LAMA3: variants seen among roughly 807,000 people sequenced by gnomAD.
The protein encoded by LAMA3 is laminin subunit alpha 3, also known as laminin subunit alpha-3.
A neutral mutation model predicts 402.0 loss-of-function variants in LAMA3; 281 were observed. That is an observed-to-expected ratio of 0.70 (90% confidence interval 0.63 to 0.77). The LOEUF (loss-of-function observed/expected upper bound fraction) is 0.77, where lower values mean the gene tolerates loss of function less well. LAMA3 is among the 30% of genes least tolerant of loss of function. The probability of loss-of-function intolerance (pLI) is 0.00; values close to 1 mark genes in which losing one functional copy is unlikely to be tolerated. For synonymous variants in LAMA3, 1,431 were observed against 1,558.4 expected, an observed-to-expected ratio of 0.92 and a Z score of 1.93; for missense variants, 3,840 against 4,215.5, an observed-to-expected ratio of 0.91 and a Z score of 2.47.
intron 47 of LAMA3, 30 bp from the exon 48 acceptor site, chr18:23,901,097 A>C: frequency 6.3e-7 from 1 of 1,589,680 alleles, no homozygotes; most frequent in Non-Finnish European, 8.6e-7. Context: ...CTCATCTGTC[A>C]AATAGAAAAC....
rs374306189 is a variant in LAMA3, at chr18:23,730,478, C to T, written c.447+16406C>T. Among the ~76,000 whole-genome samples the T allele has an allele frequency of 1.5e-4, 23 of 151,332 alleles. No individual in the cohort carries two copies. In the East Asian group the frequency reaches 3.7e-3, roughly 24 times the overall value. On this transcript the variant is annotated intron_variant, in intron 2 of 74. Coordinates refer to ENST00000313654, the MANE Select transcript of LAMA3 (RefSeq NM_198129.4). ...TGCCTCCCGGGCTCAAGCGATTCTC[C>T]TGATTCAGCCTCCTGAGTAGCCGGG...
intron 8 of LAMA3, among the ~76,000 whole-genome samples, chr18:23,766,852 T>C (rs982983404): frequency 2.6e-5 from 4 of 151,840 alleles, no homozygotes; most frequent in African/African-American, 9.7e-5. Context: ...AAAAAAAAAT[T>C]CTTGGAAGTC....
chr18:23,923,937 C>T (rs191641431), intron 62 of LAMA3, among the ~76,000 whole-genome samples: 19 of 152,306 alleles, frequency 1.2e-4, no homozygotes, highest in African/African-American at 4.6e-4. Flanking sequence ...TAATTCAGCA[C>T]TCAACCTTTA....
rs756766345 is a variant in LAMA3, at chr18:23,905,686, G to A, written c.6718+62G>A. On this transcript the variant is annotated intron_variant, in intron 52 of 74. Coordinates refer to ENST00000313654, the MANE Select transcript of LAMA3 (RefSeq NM_198129.4). Reference sequence around the variant, plus strand: ...GAGCTTTAAATGACCTCTGGGACCAGGTGGGGCAGCCCTAGAAGCAAATGT... The same window carrying A: ...GAGCTTTAAATGACCTCTGGGACCAAGTGGGGCAGCCCTAGAAGCAAATGT... 3 of 907,240 alleles carry A rather than the reference G, an allele frequency of 3.3e-6. No individual in the cohort carries two copies. In the Admixed American group the frequency reaches 5.1e-5, roughly 16 times the overall value. 56.2% of individuals were successfully genotyped at this position (907,240 alleles called of 1,614,324 possible).
At chr18:23,806,691 C>G (rs543989533) in intron 12 of LAMA3, among the ~76,000 whole-genome samples, 2 of 152,216 alleles carry the variant, frequency 1.3e-5, no homozygotes, top group Non-Finnish European at 2.9e-5. Flanking sequence ...CCCACTTTAA[C>G]AGCAGATACT....
At chr18:23,809,846 T>A (rs561468501) in intron 12 of LAMA3, among the ~76,000 whole-genome samples, 9 of 152,214 alleles carry the variant, frequency 5.9e-5, no homozygotes, top group African/African-American at 2.2e-4. Context: ...TCAGGGACAG[T>A]TGTAGGCTGA....
chr18:23,735,326 T>A (rs2061455623), intron 2 of LAMA3, among the ~76,000 whole-genome samples: 1 of 152,246 alleles, frequency 6.6e-6, no homozygotes, highest in South Asian at 2.1e-4. Context: ...TATTTTGTGA[T>A]TACTAGAGAC....
chr18:23,844,505 G>A (rs760374018), intron 29 of LAMA3, among the ~76,000 whole-genome samples: 1 of 152,234 alleles, frequency 6.6e-6, no homozygotes, highest in African/African-American at 2.4e-5. Context: ...CAGCATGCAA[G>A]GCTTTTGCTT....
At position 23,928,642 on chromosome 18, in the gene LAMA3, A is replaced by G. The variant is rs759008655; in HGVS notation, c.8313A>G (p.Ser2771=). The G allele has an allele frequency of 1.2e-6, 2 of 1,613,974 alleles. No homozygotes were observed. Among genetic ancestry groups the G allele is most frequent in the East Asian group, 2.2e-5 (1 of 44,894 alleles). ...CATTTCAGCTTGTGCGATCTGCCTC[A>G]TTCTCCAGAGGAGGACAATTGAGTT... The part of the protein sequence containing the change: ...SEDWKLVRSA[S]FSRGGQLSFT... The change falls in exon 64 of 75, where the codon TCA becomes TCG. Residue 2771 remains serine (S), a synonymous_variant. Coordinates refer to ENST00000313654, the MANE Select transcript of LAMA3 (RefSeq NM_198129.4).
intron 2 of LAMA3, among the ~76,000 whole-genome samples, chr18:23,741,812 G>A (rs1335546070): frequency 6.6e-6 from 1 of 152,182 alleles, no homozygotes; most frequent in African/African-American, 2.4e-5. Flanking sequence ...GCTTCTTGGT[G>A]ACATCATGAG....
chr18:23,938,834 A>G (rs1283612593), intron 67 of LAMA3, among the ~76,000 whole-genome samples: 1 of 151,304 alleles, frequency 6.6e-6, no homozygotes, highest in Non-Finnish European at 1.5e-5. Context: ...AGGGAGAGAA[A>G]GGGGGGGTAT....
At chr18:23,913,800 T>G (rs548178985) in intron 56 of LAMA3, among the ~76,000 whole-genome samples, 1 of 152,346 alleles carries the variant, frequency 6.6e-6, no homozygotes, top group East Asian at 1.9e-4. Context: ...TTCAGCAAAT[T>G]TATACCATAT....
intron 35 of LAMA3, among the ~76,000 whole-genome samples, chr18:23,862,027 C>T (rs755723722): frequency 5.9e-5 from 9 of 152,204 alleles, no homozygotes; most frequent in Non-Finnish European, 1.2e-4. Context: ...GAGCTACCAG[C>T]AAAGGAAATC....
In LAMA3 at chr18:23,928,241, G is replaced by A; in HGVS notation, c.8295+1G>A. The stretch of plus-strand genomic sequence containing the variant: ...CAAAAAGTGCTCGGAAGACTGGAAG[G>A]TAAGTGAAAGTTCAGAACCTCGTGA... On this transcript the variant is annotated splice_donor_variant, in intron 63 of 74. Coordinates refer to ENST00000313654, the MANE Select transcript of LAMA3 (RefSeq NM_198129.4). LOFTEE classifies it high-confidence loss of function. The A allele has an allele frequency of 6.3e-7, 1 of 1,577,476 alleles. No individual in the cohort carries two copies.
intron 34 of LAMA3, among the ~76,000 whole-genome samples, chr18:23,860,476 C>T (rs1470186386): frequency 6.6e-6 from 1 of 151,724 alleles, no homozygotes; most frequent in Non-Finnish European, 1.5e-5. Context: ...CCAGGCTGGT[C>T]TCAAACTCCT....
At chr18:23,824,378 G>A (rs774708152) in intron 20 of LAMA3, 45 bp from the exon 21 acceptor site, 1 of 1,605,194 alleles carries the variant, frequency 6.2e-7, no homozygotes, top group Non-Finnish European at 8.5e-7. Flanking sequence ...TCATAACACT[G>A]ACTGATAGAA....
intron 32 of LAMA3, among the ~76,000 whole-genome samples, chr18:23,848,039 C>T (rs1292409915): frequency 6.6e-6 from 1 of 152,200 alleles, no homozygotes; most frequent in East Asian, 1.9e-4. Context: ...GTGGTGAGCA[C>T]CTGTCCATTT....
intron 56 of LAMA3, 23 bp from the exon 57 acceptor site, chr18:23,914,362 TTGAGAAACCACAATGTGAAGTGTTC>T: frequency 6.2e-7 from 1 of 1,610,336 alleles, no homozygotes; most frequent in Non-Finnish European, 8.5e-7. Flanking sequence ...GGATGGGAAT[TTGAGAAACCACAATGTGAAGTGTTC>T]TGAGGTGGCC....
At chr18:23,775,390 G>A (rs903172201) in intron 9 of LAMA3, among the ~76,000 whole-genome samples, 3 of 152,198 alleles carry the variant, frequency 2.0e-5, no homozygotes, top group African/African-American at 7.2e-5. Context: ...TCATAACTGT[G>A]TATTGATGAC....
Sources: allele counts gnomAD v4.1 joint callset (sites outside exome capture counted in the v4.1 genomes callset), GRCh38; gene constraint gnomAD v4.1.1; transcripts MANE v1.5; gene names NCBI Gene and HGNC (gene_info 2026-07-23, HGNC 2026-07-21).